The following INPP4A variants were observed in gnomAD, a reference collection of about 807,000 sequenced individuals.
INPP4A encodes the protein inositol polyphosphate-4-phosphatase type I A.
INPP4A carries 33 observed loss-of-function variants against 119.8 expected under a neutral mutation model. That is an observed-to-expected ratio of 0.28 (90% CI 0.21 to 0.37). INPP4A has a LOEUF of 0.37. Among genes scored for constraint, INPP4A ranks in the 10% least tolerant of loss-of-function variants. The pLI, the probability that INPP4A is intolerant of heterozygous loss-of-function variation, is 1.00. For synonymous variants in INPP4A, 496 were observed against 500.7 expected (o/e 0.99, Z 0.12); for missense variants, 956 against 1,289.9 (o/e 0.74, Z 3.97).
In INPP4A at chr2:98,552,990, C is replaced by T; in HGVS notation, c.1347+21C>T. Reference sequence around the variant, plus strand: ...ACAAGGTAGGAGGGGTGCCCTGCTACATATGGGCTGGGGAGTTTCCTTGGG... The same window carrying T: ...ACAAGGTAGGAGGGGTGCCCTGCTATATATGGGCTGGGGAGTTTCCTTGGG... On this transcript the variant is annotated intron_variant, in intron 14 of 24. Coordinates refer to ENST00000409851, the MANE Select transcript of INPP4A (RefSeq NM_001134225.2). 3 of 1,586,612 alleles carry T rather than the reference C, an allele frequency of 1.9e-6. 1 individual carries two copies. The South Asian group carries it at 3.4e-5, about 18-fold the overall frequency.
chr2:98,548,919 C>T (rs1457300023), intron 13 of INPP4A: 4 of 1,593,092 alleles, frequency 2.5e-6, no homozygotes, highest in South Asian at 1.2e-5. Context: ...TGCTAACAAA[C>T]TGCTAATATT....
chr2:98,567,513 C>T (rs1696677449), intron 21 of INPP4A, among the ~76,000 whole-genome samples: 1 of 152,066 alleles, frequency 6.6e-6, no homozygotes, highest in Non-Finnish European at 1.5e-5. Flanking sequence ...GGGAGGTGGC[C>T]CAGGGGAGGG....
rs1695065542 is a variant in INPP4A, at chr2:98,559,455, C to T, written c.1823-8C>T. ...TAATCATCCATGTCGCCCTCCATTT[C>T]TGTGCAGATTGCAGTCCCCCTCCTG... On this transcript the variant is annotated splice_region_variant and splice_polypyrimidine_tract_variant and intron_variant, in intron 16 of 24. Transcript: ENST00000409851. 3 of 1,613,916 alleles carry T rather than the reference C, an allele frequency of 1.9e-6. No homozygotes were observed. The highest frequency in any genetic ancestry group is 1.7e-5 in the Admixed American group (1 of 60,010).
chr2:98,545,227 A>G (rs1210382091), intron 11 of INPP4A, among the ~76,000 whole-genome samples: 1 of 152,194 alleles, frequency 6.6e-6, no homozygotes, highest in African/African-American at 2.4e-5. Context: ...TTTTCACTAG[A>G]TGAAACGTTT....
chr2:98,521,160 G>A (rs1687112512), intron 4 of INPP4A: 2 of 165,274 alleles, frequency 1.2e-5, no homozygotes, highest in South Asian at 3.3e-4. Context: ...CTAGCCCTCA[G>A]TTCCCTATTG....
intron 1 of INPP4A, among the ~76,000 whole-genome samples, chr2:98,461,174 G>T (rs1027650017): frequency 6.6e-6 from 1 of 152,192 alleles, no homozygotes; most frequent in Non-Finnish European, 1.5e-5. Flanking sequence ...AGGGACGGGG[G>T]TTGGCTCATG....
intron 1 of INPP4A, among the ~76,000 whole-genome samples, chr2:98,517,957 T>C (rs1686464265): frequency 6.6e-6 from 1 of 152,180 alleles, no homozygotes; most frequent in South Asian, 2.1e-4. Context: ...CAAAACTCTT[T>C]TGGAGGACGA....
In INPP4A at chr2:98,591,746, G is replaced by A. The variant is rs6542833; in HGVS notation, c.*4138G>A. 38,168 of 152,126 alleles carry A rather than the reference G, an allele frequency of 0.25. 5,535 individuals are homozygous for A. Among genetic ancestry groups the A allele is most frequent in the African/African-American group, 0.39 (16,014 of 41,412 alleles). The allele number at this position is 152,126 out of a possible 1,614,324, so 9.4% of individuals were successfully genotyped here. ...TGGAGGTTGGAGCTTCCCGATTTGT[G>A]ATTTTTCCAAGAACAGAAATGATTA... On this transcript the variant is annotated 3_prime_UTR_variant, in exon 25 of 25. Coordinates refer to ENST00000409851, the MANE Select transcript of INPP4A (RefSeq NM_001134225.2).
At chr2:98,572,755 C>T (rs540104046) in intron 22 of INPP4A, 60 bp from the exon 23 acceptor site, 2 of 1,260,230 alleles carry the variant, frequency 1.6e-6, no homozygotes, top group South Asian at 2.8e-5. Flanking sequence ...GGTGGGCTCC[C>T]TCTGCCGGGG....
chr2:98,468,896 A>G (rs72821908), intron 1 of INPP4A, among the ~76,000 whole-genome samples: 41,577 of 149,478 alleles, frequency 0.28, 5,748 homozygotes, highest in Middle Eastern at 0.36. Flanking sequence ...TGCCTCCCAC[A>G]GTGGTTGCTG....
rs1694128840 is a variant in INPP4A, at chr2:98,554,575, G to A, written c.1566+86G>A. On this transcript the variant is annotated intron_variant, in intron 15 of 24. Coordinates refer to ENST00000409851, the MANE Select transcript of INPP4A (RefSeq NM_001134225.2). The surrounding 1 kb of genome is among the most constrained non-coding windows in gnomAD (Gnocchi z 4.7). ...TGTTGCCAGTCTCTGCCCCTCTGAA[G>A]TGCCTCAAGGTTCAACTGCTGTGAA... 1.7e-6 allele frequency: 2 copies of A among 1,182,418 alleles called. No homozygotes were observed. Among genetic ancestry groups the A allele is most frequent in the Non-Finnish European group, 1.2e-6 (1 of 828,108 alleles). The allele number at this position is 1,182,418 out of a possible 1,614,324, so 73.2% of individuals were successfully genotyped here.
chr2:98,577,091 G>A lies in INPP4A; in HGVS notation c.2734G>A (p.Glu912Lys), dbSNP rs755686860. ...GGAGCAGTGCCTGATCCTGCAACAC[G>A]AGCATGGCATGGCCCCGCAGGTCTT... ...TLEQCLILQH[E>K]HGMAPQVFTQ... The change falls in exon 24 of 25, where the codon GAG (glutamate) becomes AAG (lysine). Residue 912 changes from glutamate (E) to lysine (K), a missense_variant. Glu to Lys is a moderately conservative substitution (Grantham distance 56). Transcript: ENST00000409851. The A allele has an allele frequency of 3.1e-6, 5 of 1,613,886 alleles. No homozygotes were observed. The highest frequency in any genetic ancestry group is 4.2e-6 in the Non-Finnish European group (5 of 1,179,804).
chr2:98,574,498 C>T (rs1396992106), intron 23 of INPP4A, among the ~76,000 whole-genome samples: 8 of 151,980 alleles, frequency 5.3e-5, no homozygotes, highest in East Asian at 1.9e-4. Context: ...ATTAGCCAGG[C>T]GTGGTGACGC....
Position 98,577,081 on chromosome 2 carries a change from C to T in INPP4A, c.2724C>T (p.Ile908=). ...CGGTGACACTGGAGCAGTGCCTGAT[C>T]CTGCAACACGAGCATGGCATGGCCC... ...AMSVTLEQCL[I]LQHEHGMAPQ... The change falls in exon 24 of 25, where the codon ATC becomes ATT. Residue 908 remains isoleucine, a synonymous_variant. Coordinates refer to ENST00000409851, the MANE Select transcript of INPP4A (RefSeq NM_001134225.2). 6.2e-7 allele frequency: 1 copy of T among 1,613,942 alleles called. No individual in the cohort carries two copies. Among genetic ancestry groups the T allele is most frequent in the Non-Finnish European group, 8.5e-7 (1 of 1,179,832 alleles).
At chr2:98,580,252 G>A (rs2106525696) in intron 24 of INPP4A, among the ~76,000 whole-genome samples, 1 of 152,252 alleles carries the variant, frequency 6.6e-6, no homozygotes, top group East Asian at 1.9e-4. Flanking sequence ...TGCAGGTGGG[G>A]GTGGAGGGGG....
chr2:98,568,126 G>A (rs541336632), intron 21 of INPP4A, among the ~76,000 whole-genome samples: 8 of 152,318 alleles, frequency 5.3e-5, no homozygotes, highest in Admixed American at 6.5e-5. Flanking sequence ...TGTCAGTCCC[G>A]GAGGGGCTGG....
chr2:98,573,398 C>G (rs1318073012), intron 23 of INPP4A, among the ~76,000 whole-genome samples: 1 of 152,244 alleles, frequency 6.6e-6, no homozygotes, highest in Non-Finnish European at 1.5e-5. Flanking sequence ...CTGCTCTGAG[C>G]CTGGGTAACA....
At chr2:98,560,028 T>C (rs1421591506) in intron 17 of INPP4A, among the ~76,000 whole-genome samples, 1 of 152,266 alleles carries the variant, frequency 6.6e-6, no homozygotes, top group African/African-American at 2.4e-5. Flanking sequence ...GTTCATGTAT[T>C]GTCTGCAGCT....
At chr2:98,527,388 A>G (rs894702843) in intron 4 of INPP4A, among the ~76,000 whole-genome samples, 2 of 152,204 alleles carry the variant, frequency 1.3e-5, no homozygotes, top group African/African-American at 4.8e-5. Flanking sequence ...ATCACTGTCC[A>G]TTTTTTAACA....
Sources: allele counts gnomAD v4.1 joint callset (sites outside exome capture counted in the v4.1 genomes callset), GRCh38; gene constraint gnomAD v4.1.1; non-coding constraint Gnocchi (gnomAD v3.1); transcripts MANE v1.5; gene names NCBI Gene and HGNC (gene_info 2026-07-23, HGNC 2026-07-21).